The following NUSAP1 variants were observed in gnomAD, a reference collection of about 807,000 sequenced individuals.
NUSAP1 encodes nucleolar and spindle-associated protein 1.
NUSAP1 carries 32 observed loss-of-function variants against 52.8 expected under a neutral mutation model. The ratio of observed to expected loss-of-function variants is 0.61; its 90% CI spans 0.46 to 0.81. The LOEUF (loss-of-function observed/expected upper bound fraction) is 0.81. NUSAP1 is among the 40% of genes least tolerant of loss of function. NUSAP1 has a pLI of 0.00. For synonymous variants in NUSAP1, 195 were observed against 183.1 expected (o/e 1.06, Z -0.52); for missense variants, 499 against 522.3 (o/e 0.96, Z 0.43).
chr15:41,355,320 G>A (rs1407365371), intron 4 of NUSAP1, among the ~76,000 whole-genome samples: 9 of 150,956 alleles, frequency 6.0e-5, no homozygotes, highest in Non-Finnish European at 1.2e-4. Flanking sequence ...TTACAGGCAC[G>A]CCCCACCACG....
intron 6 of NUSAP1, among the ~76,000 whole-genome samples, chr15:41,363,333 C>A (rs1451703939): frequency 6.7e-6 from 1 of 149,074 alleles, no homozygotes; most frequent in African/African-American, 2.5e-5. Context: ...GTGTCTCTCT[C>A]TCTCTCTATA....
At chr15:41,352,392 T>A (rs957293571) in intron 4 of NUSAP1, among the ~76,000 whole-genome samples, 1 of 152,126 alleles carries the variant, frequency 6.6e-6, no homozygotes, top group East Asian at 1.9e-4. Flanking sequence ...TTAGAGAGAC[T>A]GAGAGAGGAT....
intron 4 of NUSAP1, among the ~76,000 whole-genome samples, chr15:41,353,945 G>T (rs1172689647): frequency 6.6e-6 from 1 of 151,996 alleles, no homozygotes; most frequent in African/African-American, 2.4e-5. Flanking sequence ...GCCTGGAATG[G>T]TTCTTTTCCA....
At chr15:41,346,693 G>A (rs2048584548) in intron 2 of NUSAP1, among the ~76,000 whole-genome samples, 1 of 151,698 alleles carries the variant, frequency 6.6e-6, no homozygotes, top group Non-Finnish European at 1.5e-5. Context: ...CGGGTGTGGT[G>A]GCACGCACCT....
chr15:41,365,502 G>C lies in NUSAP1; in HGVS notation c.761G>C (p.Arg254Pro). The C allele has an allele frequency of 1.2e-6, 2 of 1,612,568 alleles. No individual in the cohort carries two copies. Among genetic ancestry groups the C allele is most frequent in the Middle Eastern group, 1.6e-4 (1 of 6,062 alleles). ...ATCAGCCAACGACGCTCGCAAGGCC[G>C]GTCTTGTGGCCCTGCAAGTCAGAGT... ...TPISQRRSQG[R>P]SCGPASQSTL... is the part of the protein sequence containing the mutation. Residue 254 changes from arginine to proline, a missense_variant, in exon 7 of 11, where the codon CGG becomes CCG. Coordinates refer to ENST00000559596, the MANE Select transcript of NUSAP1 (RefSeq NM_016359.5).
chr15:41,352,748 G>A (rs1396040530), intron 4 of NUSAP1, among the ~76,000 whole-genome samples: 1 of 151,944 alleles, frequency 6.6e-6, no homozygotes, highest in African/African-American at 2.4e-5. Flanking sequence ...GTAGAGACAG[G>A]GTTTCACCAT....
chr15:41,332,898 A>G lies in NUSAP1; in HGVS notation c.-60A>G. On this transcript the variant is annotated 5_prime_UTR_variant, in exon 1 of 11. Transcript: ENST00000559596. ...AGTTAAGAGTGGCGCCAGGGATTTG[A>G]ACCGCGCTGACGAAGTTTGGTGATC... 1 of 1,364,786 alleles carries G rather than the reference A, an allele frequency of 7.3e-7. No homozygotes were observed. The highest frequency in any genetic ancestry group is 1.0e-6 in the Non-Finnish European group (1 of 972,752). The allele number at this position is 1,364,786 out of a possible 1,614,324, so 84.5% of individuals were successfully genotyped here.
intron 2 of NUSAP1, among the ~76,000 whole-genome samples, chr15:41,343,936 G>A (rs910557375): frequency 3.3e-5 from 5 of 151,596 alleles, no homozygotes; most frequent in Non-Finnish European, 7.4e-5. Flanking sequence ...TAAAATTATA[G>A]GCCAGGCGCA....
chr15:41,348,704 A>G (rs2048671087), intron 2 of NUSAP1, among the ~76,000 whole-genome samples: 1 of 152,188 alleles, frequency 6.6e-6, no homozygotes, highest in South Asian at 2.1e-4. Context: ...CAATGGCGCC[A>G]TCTTGGCTCA....
rs139753271 is a variant in NUSAP1 at position 41,342,462 on chromosome 15, A to G, written c.162+8A>G. The G allele has an allele frequency of 6.2e-5, 96 of 1,555,320 alleles. No individual in the cohort carries two copies. The African/African-American group carries it at 1.2e-3, about 19-fold the overall frequency. ...AAAGGAAATGAGAATCAGGTGAGTAATGTTTTTCATGTTTACCTGTTAGCT... is the reference window on the plus strand; with the variant it reads ...AAAGGAAATGAGAATCAGGTGAGTAGTGTTTTTCATGTTTACCTGTTAGCT... On this transcript the variant is annotated splice_region_variant and intron_variant, in intron 2 of 10. Coordinates refer to ENST00000559596, the MANE Select transcript of NUSAP1 (RefSeq NM_016359.5).
intron 6 of NUSAP1, 149 bp downstream of exon 6, chr15:41,358,407 C>A: frequency 1.8e-6 from 1 of 552,262 alleles, no homozygotes; most frequent in Non-Finnish European, 3.2e-6. Context: ...CTTGCTTTCC[C>A]CTACCCTGAG....
intron 1 of NUSAP1, among the ~76,000 whole-genome samples, chr15:41,337,022 T>G (rs1294103669): frequency 1.4e-5 from 2 of 143,218 alleles, no homozygotes; most frequent in African/African-American, 2.6e-5. Flanking sequence ...TTTTTTTTTT[T>G]TTGAGACAGG....
chr15:41,367,596 C>A (rs903436509), intron 7 of NUSAP1, among the ~76,000 whole-genome samples: 3 of 151,966 alleles, frequency 2.0e-5, no homozygotes, highest in Non-Finnish European at 4.4e-5. Context: ...ACCTTGTGCT[C>A]CTAATCCAGG....
chr15:41,378,899 CAAAAAAA>C (rs538916330), intron 10 of NUSAP1, among the ~76,000 whole-genome samples: 1 of 87,506 alleles, frequency 1.1e-5, no homozygotes, highest in African/African-American at 4.3e-5. Context: ...TTAGACAAAC[CAAAAAAA>C]AAAAAGAAAA....
chr15:41,335,633 A>G (rs1409822060), intron 1 of NUSAP1, among the ~76,000 whole-genome samples: 2 of 139,576 alleles, frequency 1.4e-5, no homozygotes, highest in African/African-American at 5.2e-5. Flanking sequence ...TACTAAATAT[A>G]CTATATATAA....
In NUSAP1 at chr15:41,377,188, TA is replaced by T; in HGVS notation, c.1124-5del. ...TTTTTAAAATTCTTTGTCTCTGTCC[TA>T]AACTAGGAAAGCTAAAACCATGGGG... On this transcript the variant is annotated splice_polypyrimidine_tract_variant and splice_region_variant and intron_variant, in intron 9 of 10. Transcript: ENST00000559596. The T allele has an allele frequency of 7.1e-7, 1 of 1,404,078 alleles. No individual in the cohort carries two copies. Among genetic ancestry groups the T allele is most frequent in the Non-Finnish European group, 9.7e-7 (1 of 1,027,544 alleles). 87.0% of individuals were successfully genotyped at this position (1,404,078 alleles called of 1,614,324 possible). A position where few individuals can be genotyped will look rare whatever the true frequency, so the allele number is the denominator to read the frequency against.
At chr15:41,346,620 A>C (rs1325012792) in intron 2 of NUSAP1, among the ~76,000 whole-genome samples, 1 of 150,888 alleles carries the variant, frequency 6.6e-6, no homozygotes, top group Non-Finnish European at 1.5e-5. Flanking sequence ...CGAGGTCAAG[A>C]GATCAAAACC....
At chr15:41,345,409 GATAAAGGGAAAAAAA>G (rs2048527118) in intron 2 of NUSAP1, 2 of 404,212 alleles carry the variant, frequency 4.9e-6, no homozygotes, top group Non-Finnish European at 9.5e-6. Flanking sequence ...AAAGGCCAAA[GATAAAGGGAAAAAAA>G]ATCTCTTCTC....
intron 2 of NUSAP1, chr15:41,345,408 A>C (rs538283608): frequency 9.6e-5 from 39 of 404,262 alleles, no homozygotes; most frequent in African/African-American, 7.6e-4. Flanking sequence ...AAAAGGCCAA[A>C]GATAAAGGGA....
Sources: gnomAD v4.1 joint callset for allele counts (sites outside exome capture counted in the v4.1 genomes callset) on GRCh38, gnomAD v4.1.1 for gene constraint, MANE v1.5 for transcripts, NCBI Gene and HGNC (gene_info 2026-07-23, HGNC 2026-07-21) for gene names.